ERICH6B: variants seen among roughly 807,000 people sequenced by gnomAD.
ERICH6B encodes the protein glutamate-rich protein 6B.
ERICH6B carries 69 observed loss-of-function variants against 80.0 expected under a neutral mutation model. The observed-to-expected ratio is 0.86, with a 90% CI of 0.71 to 1.05. The LOEUF is 1.05. Among genes scored for constraint, ERICH6B ranks in the 50% least tolerant of loss-of-function variants. ERICH6B has a pLI of 0.00. For synonymous variants in ERICH6B, 283 were observed against 291.9 expected (o/e 0.97, Z 0.31); for missense variants, 754 against 796.1 (o/e 0.95, Z 0.64).
chr13:45,600,770 C>T (rs1949822646), intron 2 of ERICH6B, among the ~76,000 whole-genome samples: 1 of 152,148 alleles, frequency 6.6e-6, no homozygotes, highest in Non-Finnish European at 1.5e-5. Flanking sequence ...AGGTTGATTC[C>T]ATATCTTTGC....
chr13:45,548,919 G>T (rs1365963515), intron 13 of ERICH6B, among the ~76,000 whole-genome samples: 1 of 152,200 alleles, frequency 6.6e-6, no homozygotes, highest in Non-Finnish European at 1.5e-5. Flanking sequence ...TCTGCAGAAT[G>T]AAAATCCTTT....
chr13:45,578,809 T>C (rs1283790305), intron 7 of ERICH6B, among the ~76,000 whole-genome samples: 1 of 152,148 alleles, frequency 6.6e-6, no homozygotes, highest in Non-Finnish European at 1.5e-5. Flanking sequence ...TCCCAGCAAT[T>C]TGGGAAGCTG....
chr13:45,599,174 G>C (rs1949809359), intron 2 of ERICH6B, among the ~76,000 whole-genome samples: 1 of 152,230 alleles, frequency 6.6e-6, no homozygotes, highest in African/African-American at 2.4e-5. Context: ...TTGACTGAAA[G>C]AGTTGGTGGA....
At chr13:45,603,625 G>A (rs1254644887) in intron 2 of ERICH6B, among the ~76,000 whole-genome samples, 1 of 152,090 alleles carries the variant, frequency 6.6e-6, no homozygotes, top group Non-Finnish European at 1.5e-5. Flanking sequence ...CCTGGGTCCT[G>A]TCCCCAGATC....
At chr13:45,591,252 G>A (rs1165983424) in intron 3 of ERICH6B, among the ~76,000 whole-genome samples, 2 of 152,202 alleles carry the variant, frequency 1.3e-5, no homozygotes, top group African/African-American at 4.8e-5. Context: ...CCACTTATCC[G>A]TAGCTTACCC....
chr13:45,542,713 C>A (rs903543561), intron 14 of ERICH6B, among the ~76,000 whole-genome samples: 11 of 152,222 alleles, frequency 7.2e-5, no homozygotes, highest in African/African-American at 2.2e-4. Context: ...GTAGTGCTGG[C>A]CTCCTCTTCA....
chr13:45,585,777 A>T (rs1488739861), intron 5 of ERICH6B, among the ~76,000 whole-genome samples: 1 of 152,226 alleles, frequency 6.6e-6, no homozygotes, highest in African/African-American at 2.4e-5. Flanking sequence ...ATACAGACCG[A>T]ATATACATGG....
At chr13:45,588,405 T>A (rs1057324556) in intron 4 of ERICH6B, among the ~76,000 whole-genome samples, 1 of 152,136 alleles carries the variant, frequency 6.6e-6, no homozygotes, top group African/African-American at 2.4e-5. Context: ...GGCCAGATGT[T>A]TGGATCCTAG....
chr13:45,600,072 C>T (rs546707483), intron 2 of ERICH6B, among the ~76,000 whole-genome samples: 31 of 152,270 alleles, frequency 2.0e-4, no homozygotes, highest in African/African-American at 6.0e-4. Context: ...GGGTGAGCTA[C>T]GGAAAGCTTT....
Position 45,596,833 on chromosome 13 carries a change from TC to T in ERICH6B, c.172del (p.Asp58ThrfsTer23). The T allele has an allele frequency of 6.4e-7, 1 of 1,551,850 alleles. No homozygotes were observed. The highest frequency in any genetic ancestry group is 8.7e-7 in the Non-Finnish European group (1 of 1,147,022). On this transcript the variant is annotated frameshift_variant, in exon 3 of 15. Coordinates refer to ENST00000298738, the MANE Select transcript of ERICH6B (RefSeq NM_182542.3). LOFTEE classifies it high-confidence loss of function. ...CTCTTCCTCCTCCAGATACTCTTTG[TC>T]CTCCAGAGACTCTCCCTCTGGAGAA... Reference protein sequence around the residue: ...PFSPEGESLEDKEYLEEEEDL... With the variant: ...PFSPEGESLEXKEYLEEEEDL...
chr13:45,615,311 A>G (rs900860442), intron 1 of ERICH6B, among the ~76,000 whole-genome samples: 1 of 152,180 alleles, frequency 6.6e-6, no homozygotes, highest in African/African-American at 2.4e-5. Flanking sequence ...GGACTGGTCT[A>G]TATTCAGGCT....
intron 2 of ERICH6B, among the ~76,000 whole-genome samples, chr13:45,598,384 AG>A (rs10715295): frequency 0.02 from 3,112 of 152,262 alleles, 35 homozygotes; most frequent in South Asian, 0.031. Flanking sequence ...TGCACCCTGA[AG>A]GTTTAAAAAT....
chr13:45,544,822 T>C lies in ERICH6B; in HGVS notation c.1810A>G (p.Ile604Val), dbSNP rs1873927076. The change falls in exon 14 of 15, where the codon ATC becomes GTC. Residue 604 changes from isoleucine (I) to valine (V), a missense_variant. Physicochemically the swap from Ile to Val is conservative, Grantham distance 29. Transcript: ENST00000298738. ...TGTTCATAGGTGAAGCAGAAGATGATCTTATCCTGGCTCCTTATTTGTACC... is the reference window on the plus strand; with the variant it reads ...TGTTCATAGGTGAAGCAGAAGATGACCTTATCCTGGCTCCTTATTTGTACC... ...IQVQIRSQDK[I>V]IFCFTYEQKQ... 2 of 1,551,726 alleles carry C rather than the reference T, an allele frequency of 1.3e-6. No individual in the cohort carries two copies. Among genetic ancestry groups the C allele is most frequent in the East Asian group, 2.4e-5 (1 of 40,918 alleles).
rs746411047 is a variant in ERICH6B, at chr13:45,545,004, T to C, written c.1647-19A>G. Reference sequence around the variant, plus strand: ...GTTCAACCTGGACCAGGAGAAAGCATGTCAGGCAGCCAGGGCGCTCAGCCC... The same window carrying C: ...GTTCAACCTGGACCAGGAGAAAGCACGTCAGGCAGCCAGGGCGCTCAGCCC... On this transcript the variant is annotated intron_variant, in intron 13 of 14. Coordinates refer to ENST00000298738, the MANE Select transcript of ERICH6B (RefSeq NM_182542.3). 1.7e-5 allele frequency: 27 copies of C among 1,545,878 alleles called. No individual in the cohort carries two copies.
At chr13:45,615,462 C>T (rs1486020362) in intron 1 of ERICH6B, among the ~76,000 whole-genome samples, 1 of 152,160 alleles carries the variant, frequency 6.6e-6, no homozygotes, top group African/African-American at 2.4e-5. Flanking sequence ...GAAGCTGGGT[C>T]GAAGCAGATG....
intron 5 of ERICH6B, among the ~76,000 whole-genome samples, chr13:45,584,032 G>C (rs3014927): frequency 0.43 from 64,593 of 151,832 alleles, 14,811 homozygotes; most frequent in Non-Finnish European, 0.51. Context: ...GTTTTTTGTA[G>C]TAGGATATAC....
intron 11 of ERICH6B, among the ~76,000 whole-genome samples, chr13:45,555,657 T>C (rs1874407556): frequency 6.6e-6 from 1 of 152,088 alleles, no homozygotes; most frequent in Non-Finnish European, 1.5e-5. Context: ...AACTGCAAGA[T>C]GGTAGAGACC....
chr13:45,593,327 T>A (rs569352143), intron 3 of ERICH6B, among the ~76,000 whole-genome samples: 4 of 152,240 alleles, frequency 2.6e-5, no homozygotes, highest in South Asian at 2.1e-4. Context: ...CATCTTTTGG[T>A]TATGTCCATT....
chr13:45,574,809 G>GGA, intron 8 of ERICH6B, 33 bp downstream of exon 8: 4 of 244,142 alleles, frequency 1.6e-5, no homozygotes, highest in Middle Eastern at 8.4e-4. Flanking sequence ...GGAGGAAGCT[G>GGA]GGGGGGGGGT....
Sources: gnomAD v4.1 joint callset for allele counts (sites outside exome capture counted in the v4.1 genomes callset) on GRCh38, gnomAD v4.1.1 for gene constraint, MANE v1.5 for transcripts, NCBI Gene and HGNC (gene_info 2026-07-23, HGNC 2026-07-21) for gene names.